The following CAMK1D variants were observed in gnomAD, a reference collection of about 807,000 sequenced individuals.
CAMK1D encodes calcium/calmodulin-dependent protein kinase type 1D.
A neutral mutation model predicts 47.7 loss-of-function variants in CAMK1D; 9 were observed. That is an observed-to-expected ratio of 0.19 (90% CI 0.11 to 0.33). The LOEUF (loss-of-function observed/expected upper bound fraction) is 0.33. CAMK1D is among the 10% of genes least tolerant of loss of function. The probability of loss-of-function intolerance (pLI) is 1.00; values close to 1 mark genes in which losing one functional copy is unlikely to be tolerated. For missense variants in CAMK1D, 291 were observed against 488.7 expected (o/e 0.60, Z 3.81); for synonymous variants, 184 against 184.9 (o/e 0.99, Z 0.04).
At chr10:12,587,333 A>G (rs1171666103) in intron 2 of CAMK1D, among the ~76,000 whole-genome samples, 1 of 152,132 alleles carries the variant, frequency 6.6e-6, no homozygotes, top group Non-Finnish European at 1.5e-5. Context: ...CCCTCTCATC[A>G]TATCCCGCAT....
intron 2 of CAMK1D, chr10:12,578,782 C>T (rs1229997075): frequency 1.3e-5 from 2 of 154,096 alleles, no homozygotes; most frequent in African/African-American, 2.4e-5. Context: ...CACAGGGCCA[C>T]CCAGGGAGTA....
At position 12,368,211 on chromosome 10, in the gene CAMK1D, A is replaced by AAT. The variant is rs1554760141; in HGVS notation, c.92+18302_92+18303insTA. Among the ~76,000 whole-genome samples the AAT allele has an allele frequency of 4.9e-4, 56 of 114,840 alleles. 2 individuals are homozygous for AAT. Among genetic ancestry groups the AAT allele is most frequent in the Middle Eastern group, 8.9e-3 (2 of 224 alleles). The allele number at this position is 114,840 out of a possible 152,430, so 75.3% of individuals were successfully genotyped here. A position where few individuals can be genotyped will look rare whatever the true frequency, so the allele number is the denominator to read the frequency against. On this transcript the variant is annotated intron_variant, in intron 1 of 10. Coordinates refer to ENST00000619168, the MANE Select transcript of CAMK1D (RefSeq NM_153498.4). Reference sequence around the variant, plus strand: ...GAGACTCCGTCTCAAAAAAAAAAAAAAAATAAAATAAAATGTTTATTGTCC... The same window carrying AAT: ...GAGACTCCGTCTCAAAAAAAAAAAAAATAAATAAAATAAAATGTTTATTGTCC...
Position 12,829,795 on chromosome 10 carries a change from C to T in CAMK1D, c.*908C>T, listed in dbSNP as rs1833387752. The T allele has an allele frequency of 1.3e-5, 2 of 152,030 alleles. No individual in the cohort carries two copies. The highest frequency in any genetic ancestry group is 4.8e-5 in the African/African-American group (2 of 41,360). 9.4% of individuals were successfully genotyped at this position (152,030 alleles called of 1,614,324 possible). On this transcript the variant is annotated 3_prime_UTR_variant, in exon 11 of 11. Coordinates refer to ENST00000619168, the MANE Select transcript of CAMK1D (RefSeq NM_153498.4). ...ATCTGTCTCCAAGGCTAAGAGTGCC[C>T]TTCACCTCTACTCCTTCTGTTTCTC...
At chr10:12,396,298 A>G (rs557978414) in intron 1 of CAMK1D, among the ~76,000 whole-genome samples, 1 of 152,190 alleles carries the variant, frequency 6.6e-6, no homozygotes, top group African/African-American at 2.4e-5. Context: ...CTTCTTTACT[A>G]TTGTGTCCGC....
At chr10:12,464,534 G>T (rs1490319987) in intron 1 of CAMK1D, among the ~76,000 whole-genome samples, 1 of 152,180 alleles carries the variant, frequency 6.6e-6, no homozygotes, top group Admixed American at 6.5e-5. Flanking sequence ...GAGTGGTCAA[G>T]GCCGGGCGCC....
chr10:12,760,475 T>C (rs1455496089), intron 3 of CAMK1D: 1 of 153,590 alleles, frequency 6.5e-6, no homozygotes, highest in African/African-American at 2.4e-5. Context: ...ATTCAGGCGG[T>C]GTTCGTATCC....
intron 3 of CAMK1D, among the ~76,000 whole-genome samples, chr10:12,744,487 A>G (rs973135907): frequency 6.6e-6 from 1 of 151,964 alleles, no homozygotes; most frequent in African/African-American, 2.4e-5. Context: ...CATTGCCAAC[A>G]CTCATTATTT....
chr10:12,802,837 G>T (rs568288820), intron 6 of CAMK1D, among the ~76,000 whole-genome samples: 10 of 152,284 alleles, frequency 6.6e-5, no homozygotes, highest in African/African-American at 2.2e-4. Context: ...CATTTCTTTG[G>T]CAGGTCACGT....
chr10:12,373,015 C>T (rs1456529428), intron 1 of CAMK1D, among the ~76,000 whole-genome samples: 9 of 152,190 alleles, frequency 5.9e-5, no homozygotes, highest in South Asian at 4.1e-4. Flanking sequence ...GCTTAAATGA[C>T]CCACTTCCCG....
intron 1 of CAMK1D, among the ~76,000 whole-genome samples, chr10:12,383,041 A>G (rs1015661017): frequency 6.6e-6 from 1 of 152,124 alleles, no homozygotes; most frequent in African/African-American, 2.4e-5. Context: ...GTTCTTCCAA[A>G]GTGCACACAT....
At chr10:12,670,224 G>A (rs1451161414) in intron 3 of CAMK1D, among the ~76,000 whole-genome samples, 5 of 151,106 alleles carry the variant, frequency 3.3e-5, no homozygotes, top group Admixed American at 2.0e-4. Flanking sequence ...CATTCTAATG[G>A]GGTGTAGTGA....
intron 1 of CAMK1D, among the ~76,000 whole-genome samples, chr10:12,414,979 T>C (rs1251754182): frequency 1.3e-5 from 2 of 152,220 alleles, no homozygotes; most frequent in Non-Finnish European, 2.9e-5. Context: ...AAAAAAAATC[T>C]AGTTAACTCT....
At chr10:12,400,010 C>G (rs181636129) in intron 1 of CAMK1D, among the ~76,000 whole-genome samples, 1 of 152,206 alleles carries the variant, frequency 6.6e-6, no homozygotes, top group African/African-American at 2.4e-5. Context: ...CCTGTTTCTC[C>G]CCTAGGAGCA....
chr10:12,560,389 C>T (rs892119526), intron 2 of CAMK1D, among the ~76,000 whole-genome samples: 3 of 151,642 alleles, frequency 2.0e-5, no homozygotes, highest in African/African-American at 7.3e-5. Context: ...CCCGTCTCTA[C>T]CAAAAATACA....
intron 10 of CAMK1D, among the ~76,000 whole-genome samples, chr10:12,828,568 C>G (rs1302716806): frequency 6.6e-6 from 1 of 151,728 alleles, no homozygotes; most frequent in South Asian, 2.1e-4. Context: ...TTGAACCTGG[C>G]AGGCAGAGGT....
At chr10:12,467,041 T>C (rs542079707) in intron 1 of CAMK1D, among the ~76,000 whole-genome samples, 1 of 152,248 alleles carries the variant, frequency 6.6e-6, no homozygotes, top group South Asian at 2.1e-4. Context: ...TTCACCTCTC[T>C]TGGCTGCCTG....
chr10:12,806,494 G>A (rs1341526642), intron 6 of CAMK1D, among the ~76,000 whole-genome samples: 2 of 152,228 alleles, frequency 1.3e-5, no homozygotes, highest in African/African-American at 4.8e-5. Context: ...AGCTGTGGAG[G>A]AGGAATCCAC....
At chr10:12,381,783 T>TC (rs1838355682) in intron 1 of CAMK1D, among the ~76,000 whole-genome samples, 1 of 152,176 alleles carries the variant, frequency 6.6e-6, no homozygotes, top group Non-Finnish European at 1.5e-5. Flanking sequence ...TGATCCCAGA[T>TC]GTGCCAATTA....
intron 1 of CAMK1D, among the ~76,000 whole-genome samples, chr10:12,422,245 C>T (rs1840078728): frequency 6.6e-6 from 1 of 152,154 alleles, no homozygotes; most frequent in African/African-American, 2.4e-5. Flanking sequence ...GATTCAACTG[C>T]TAGCAGGTGT....
Sources: gnomAD v4.1 joint callset for allele counts (sites outside exome capture counted in the v4.1 genomes callset) on GRCh38, gnomAD v4.1.1 for gene constraint, MANE v1.5 for transcripts, NCBI Gene and HGNC (gene_info 2026-07-23, HGNC 2026-07-21) for gene names.